Variants in TREM1 observed in about 807,000 individuals in gnomAD.
The protein encoded by TREM1 is triggering receptor expressed on monocytes 1.
A neutral mutation model predicts 22.4 loss-of-function variants in TREM1; 16 were observed. The observed-to-expected ratio is 0.71, with a 90% CI of 0.48 to 1.08. The LOEUF (loss-of-function observed/expected upper bound fraction) is 1.08, where lower values mean the gene tolerates loss of function less well. Ranked by LOEUF, TREM1 falls within the 50% of genes least tolerant of loss-of-function variation. The pLI is 0.00. For synonymous variants in TREM1, 110 were observed against 111.6 expected (o/e 0.99, Z 0.09); for missense variants, 283 against 282.9 (o/e 1.00, Z 0.00).
intron 3 of TREM1, among the ~76,000 whole-genome samples, chr6:41,279,330 C>T (rs968212366): frequency 4.6e-5 from 7 of 152,246 alleles, no homozygotes; most frequent in African/African-American, 1.7e-4. Context: ...AGCGCTTTCT[C>T]GCTTAAATAA....
intron 3 of TREM1, among the ~76,000 whole-genome samples, chr6:41,278,047 G>A (rs75431227): frequency 1.3e-3 from 201 of 151,060 alleles, no homozygotes; most frequent in African/African-American, 4.4e-3. Flanking sequence ...TCAGCCTCCC[G>A]AGTAGCTGGG....
Position 41,281,164 on chromosome 6 carries a change from A to G in TREM1, c.407-11T>C. ...GGGTCCCTGAAAAACCTGCAAGAAG[A>G]CACATTGGATGGATGGATGGACAGA... On this transcript the variant is annotated splice_polypyrimidine_tract_variant and intron_variant, in intron 2 of 3. Coordinates refer to ENST00000244709, the MANE Select transcript of TREM1 (RefSeq NM_018643.5). 3 of 1,611,878 alleles carry G rather than the reference A, an allele frequency of 1.9e-6. No homozygotes were observed. Among genetic ancestry groups the G allele is most frequent in the Non-Finnish European group, 2.5e-6 (3 of 1,178,402 alleles).
downstream of TREM1, among the ~76,000 whole-genome samples, chr6:41,271,665 A>T (rs1463329005): frequency 6.6e-6 from 1 of 152,098 alleles, no homozygotes; most frequent in Admixed American, 6.5e-5. Context: ...AATCCACCTA[A>T]TTCTCTCAAC....
chr6:41,277,072 T>TTA (rs1767699181), intron 3 of TREM1, among the ~76,000 whole-genome samples: 2 of 147,586 alleles, frequency 1.4e-5, no homozygotes, highest in African/African-American at 2.5e-5. Context: ...TTAAATAAAA[T>TTA]AAAAAAAAAA....
downstream of TREM1, among the ~76,000 whole-genome samples, chr6:41,269,182 C>T (rs1222017520): frequency 6.6e-6 from 1 of 152,168 alleles, no homozygotes; most frequent in Non-Finnish European, 1.5e-5. Context: ...CTGAGCTCCA[C>T]CATCCCAGTT....
At chr6:41,271,905 G>C (rs1767489585), downstream of TREM1, among the ~76,000 whole-genome samples, 1 of 152,144 alleles carries the variant, frequency 6.6e-6, no homozygotes, top group African/African-American at 2.4e-5. Flanking sequence ...TCCCCAGCCT[G>C]CTTACCCACT....
At chr6:41,270,832 C>T (rs1767462211), downstream of TREM1, among the ~76,000 whole-genome samples, 1 of 152,162 alleles carries the variant, frequency 6.6e-6, no homozygotes, top group Non-Finnish European at 1.5e-5. Flanking sequence ...GCCCCCACCA[C>T]ATAGCTGGGA....
intron 2 of TREM1, chr6:41,282,092 A>AG (rs1241157356): frequency 2.2e-5 from 7 of 314,016 alleles, no homozygotes; most frequent in Non-Finnish European, 3.6e-5. Flanking sequence ...CATCCTTGGG[A>AG]GGGGGAGTCA....
rs1316891963 is a variant in TREM1, at chr6:41,274,229, G to A, written c.*1896C>T. On this transcript the variant is annotated 3_prime_UTR_variant, in exon 4 of 4. Transcript: ENST00000244709. The stretch of plus-strand genomic sequence containing the variant: ...GAGTGTAATGACTTTTTGGAAACAA[G>A]CTTGAGATCCACTAAGAGGGAGCTG... Among the ~76,000 whole-genome samples the A allele has an allele frequency of 6.6e-6, 1 of 152,112 alleles. No individual in the cohort carries two copies. Among genetic ancestry groups the A allele is most frequent in the Non-Finnish European group, 1.5e-5 (1 of 68,020 alleles).
At chr6:41,270,003 C>T (rs145632758), downstream of TREM1, 427 of 152,392 alleles carry the variant, frequency 2.8e-3, no homozygotes, top group Non-Finnish European at 4.9e-3. Flanking sequence ...TTATAGCTTC[C>T]GTGGGATAAT....
chr6:41,277,147 T>C (rs893118770), intron 3 of TREM1, among the ~76,000 whole-genome samples: 3 of 151,402 alleles, frequency 2.0e-5, no homozygotes, highest in Admixed American at 2.0e-4. Flanking sequence ...AAGCAATTGA[T>C]TTAAAATCAA....
Position 41,282,395 on chromosome 6 carries a change from C to T in TREM1, c.406G>A (p.Gly136Ser). 1 of 1,604,000 alleles carries T rather than the reference C, an allele frequency of 6.2e-7. No individual in the cohort carries two copies. Among genetic ancestry groups the T allele is most frequent in the Non-Finnish European group, 8.5e-7 (1 of 1,173,292 alleles). ...FDRIRLVVTK[G>S]FSGTPGSNEN... is the part of the protein sequence containing the mutation. The stretch of plus-strand genomic sequence containing the variant: ...TCCCCCCAAGTCCCAGGCCACTCAC[C>T]CTTGGTCACCACCAAGCGGATGCGA... Residue 136 changes from glycine (G) to serine (S), a missense_variant and splice_region_variant, in exon 2 of 4, where the codon GGT becomes AGT. Physicochemically the swap from Gly to Ser is moderately conservative, Grantham distance 56. Transcript: ENST00000244709.
chr6:41,273,699 T>C lies in TREM1; in HGVS notation c.*2426A>G, dbSNP rs928048854. Among the ~76,000 whole-genome samples the C allele has an allele frequency of 6.6e-6, 1 of 152,168 alleles. No homozygotes were observed. Among genetic ancestry groups the C allele is most frequent in the Non-Finnish European group, 1.5e-5 (1 of 68,014 alleles). ...AGTATGCTGAGGCTGGCAATAGTGG[T>C]GGGTCATTCCCACTGCTGGGCCTAC... On this transcript the variant is annotated 3_prime_UTR_variant, in exon 4 of 4. Coordinates refer to ENST00000244709, the MANE Select transcript of TREM1 (RefSeq NM_018643.5).
At chr6:41,284,145 G>A (rs1768058103) in intron 1 of TREM1, among the ~76,000 whole-genome samples, 1 of 152,034 alleles carries the variant, frequency 6.6e-6, no homozygotes, top group African/African-American at 2.4e-5. Flanking sequence ...GTTCTCCACT[G>A]GGGAGCAATT....
chr6:41,284,095 T>A (rs1768055791), intron 1 of TREM1, among the ~76,000 whole-genome samples: 1 of 152,016 alleles, frequency 6.6e-6, no homozygotes, highest in African/African-American at 2.4e-5. Flanking sequence ...AGCCAAGAAA[T>A]GCCCCCTCCT....
At chr6:41,272,017 G>A (rs550747950), downstream of TREM1, among the ~76,000 whole-genome samples, 70 of 152,274 alleles carry the variant, frequency 4.6e-4, no homozygotes, top group Non-Finnish European at 8.1e-4. Context: ...GCTGTCTGCC[G>A]GCTGGCCCAG....
At chr6:41,270,459 ATATATATATATATATATATATATC>A (rs1394684444), downstream of TREM1, among the ~76,000 whole-genome samples, 1 of 3,862 alleles carries the variant, frequency 2.6e-4, no homozygotes, top group East Asian at 0.033. Flanking sequence ...ATATATATAT[ATATATATATATATATATATATATC>A]TTAGCAAGAT....
chr6:41,285,275 T>G (rs1230495472), intron 1 of TREM1, among the ~76,000 whole-genome samples: 1 of 152,242 alleles, frequency 6.6e-6, no homozygotes, highest in Non-Finnish European at 1.5e-5. Flanking sequence ...TTTGAATATG[T>G]TAATTAAAAG....
At position 41,274,204 on chromosome 6, in the gene TREM1, G is replaced by A. The variant is rs746003003; in HGVS notation, c.*1921C>T. Among the ~76,000 whole-genome samples the A allele has an allele frequency of 2.6e-5, 4 of 152,166 alleles. No individual in the cohort carries two copies. Among genetic ancestry groups the A allele is most frequent in the Non-Finnish European group, 5.9e-5 (4 of 68,022 alleles). On this transcript the variant is annotated 3_prime_UTR_variant, in exon 4 of 4. Transcript: ENST00000244709. Reference sequence around the variant, plus strand: ...TGAATGTGTCATGGGCTTTGGTAAGGAGTGTAATGACTTTTTGGAAACAAG... The same window carrying A: ...TGAATGTGTCATGGGCTTTGGTAAGAAGTGTAATGACTTTTTGGAAACAAG...
Sources: gnomAD v4.1 joint callset for allele counts (sites outside exome capture counted in the v4.1 genomes callset) on GRCh38, gnomAD v4.1.1 for gene constraint, MANE v1.5 for transcripts, NCBI Gene and HGNC (gene_info 2026-07-23, HGNC 2026-07-21) for gene names.